The following USP4 variants were observed in gnomAD, a reference collection of about 807,000 sequenced individuals.
USP4 encodes ubiquitin specific peptidase 4, also known as ubiquitin carboxyl-terminal hydrolase 4.
USP4 carries 72 observed loss-of-function variants against 118.2 expected under a neutral mutation model. The observed-to-expected ratio is 0.61, with a 90% CI of 0.50 to 0.74. USP4 has a LOEUF of 0.74. Among genes scored for constraint, USP4 ranks in the 30% least tolerant of loss-of-function variants. The probability of loss-of-function intolerance (pLI) is 0.00; values close to 1 mark genes in which losing one functional copy is unlikely to be tolerated. For synonymous variants in USP4, 415 were observed against 440.4 expected, an observed-to-expected ratio of 0.94 and a Z score of 0.72; for missense variants, 1,037 against 1,185.7, an observed-to-expected ratio of 0.87 and a Z score of 1.84.
intron 8 of USP4, 55 bp from the exon 9 acceptor site, chr3:49,305,943 C>A (rs550422390): frequency 6.7e-7 from 1 of 1,485,670 alleles, no homozygotes; most frequent in South Asian, 1.4e-5. Flanking sequence ...ACCAGAGATA[C>A]AAGATAAATC....
rs1018616252 is a variant in USP4, at chr3:49,278,947, T to C, written c.2645-45A>G. 3 of 1,364,864 alleles carry C rather than the reference T, an allele frequency of 2.2e-6. No individual in the cohort carries two copies. The African/African-American group carries it at 4.3e-5, about 20-fold the overall frequency. 84.5% of individuals were successfully genotyped at this position (1,364,864 alleles called of 1,614,324 possible). On this transcript the variant is annotated intron_variant, in intron 20 of 21. Transcript: ENST00000265560. ...AATACTCTAGCGGTCTCCAGAGAAT[T>C]AATCTGGCTAGCTTATTAGGCTTGC... is the stretch of plus-strand genomic sequence containing the variant.
chr3:49,277,280 A>C lies in USP4; in HGVS notation c.*1013T>G. ...CCACGGATTAGGTTGAAGGTCAGAC[A>C]AAAAATCCCGGACCCATACGTCCGG... On this transcript the variant is annotated 3_prime_UTR_variant, in exon 22 of 22. Transcript: ENST00000265560. 5 of 1,271,222 alleles carry C rather than the reference A, an allele frequency of 3.9e-6. No individual in the cohort carries two copies. Among genetic ancestry groups the C allele is most frequent in the Non-Finnish European group, 5.1e-6 (5 of 973,392 alleles). 78.7% of individuals were successfully genotyped at this position (1,271,222 alleles called of 1,614,324 possible). A position where few individuals can be genotyped will look rare whatever the true frequency, so the allele number is the denominator to read the frequency against.
rs577634738 is a variant in USP4 at position 49,286,092 on chromosome 3, G to C, written c.2200+6C>G. 67 of 1,613,796 alleles carry C rather than the reference G, an allele frequency of 4.2e-5. No individual in the cohort carries two copies. In the South Asian group the frequency reaches 6.9e-4, roughly 17 times the overall value. Reference sequence around the variant, plus strand: ...CCCAGCTTGAAAGGTCAGAAAAAGTGCTTACAGTTGAGTTTAAGTAGTTTT... The same window carrying C: ...CCCAGCTTGAAAGGTCAGAAAAAGTCCTTACAGTTGAGTTTAAGTAGTTTT... On this transcript the variant is annotated splice_donor_region_variant and intron_variant, in intron 16 of 21. Transcript: ENST00000265560.
At chr3:49,281,603 A>G (rs1160621828) in intron 19 of USP4, among the ~76,000 whole-genome samples, 1 of 150,984 alleles carries the variant, frequency 6.6e-6, no homozygotes, top group African/African-American at 2.4e-5. Flanking sequence ...AATCCTAGCT[A>G]CTTGGGAGGC....
intron 11 of USP4, 100 bp from the exon 12 acceptor site, chr3:49,298,735 G>T: frequency 9.7e-7 from 1 of 1,033,412 alleles, no homozygotes; most frequent in Non-Finnish European, 1.5e-6. Context: ...AGCCCTTCTA[G>T]AAACAATGTA....
At chr3:49,310,861 C>A in intron 7 of USP4, 124 bp from the exon 8 acceptor site, 1 of 701,016 alleles carries the variant, frequency 1.4e-6, no homozygotes, top group Non-Finnish European at 2.5e-6. Flanking sequence ...ATGCAAATTC[C>A]CTCTACTCCC....
intron 15 of USP4, among the ~76,000 whole-genome samples, chr3:49,290,964 C>G (rs1279818724): frequency 2.0e-5 from 3 of 151,866 alleles, no homozygotes; most frequent in Non-Finnish European, 4.4e-5. Flanking sequence ...GGGTGATAAT[C>G]AAGACCCTAC....
Position 49,310,728 on chromosome 3 carries a change from G to C in USP4, c.846C>G (p.Gly282=). 6.2e-7 allele frequency: 1 copy of C among 1,613,786 alleles called. No homozygotes were observed. The highest frequency in any genetic ancestry group is 1.1e-5 in the South Asian group (1 of 91,080). Residue 282 remains glycine, a synonymous_variant, in exon 8 of 22, where the codon GGC becomes GGG. Coordinates refer to ENST00000265560, the MANE Select transcript of USP4 (RefSeq NM_003363.4). ...CCTGACAATTATACGAAGCAGAAAA[G>C]CCAGATCCACTGGAAAACACAACAC... ...HSSGVSRGGS[G]FSASYNCQEP...
At chr3:49,314,328 C>A (rs1453574137) in intron 6 of USP4, among the ~76,000 whole-genome samples, 2 of 152,190 alleles carry the variant, frequency 1.3e-5, no homozygotes, top group Non-Finnish European at 2.9e-5. Context: ...TCTCACCTTC[C>A]CATAAGGAAA....
At chr3:49,321,029 G>C (rs1166700131) in intron 6 of USP4, among the ~76,000 whole-genome samples, 2 of 152,138 alleles carry the variant, frequency 1.3e-5, no homozygotes, top group Non-Finnish European at 2.9e-5. Flanking sequence ...TATGATATCT[G>C]AGAAATGTCC....
chr3:49,338,112 G>A (rs2047691479), intron 1 of USP4, among the ~76,000 whole-genome samples: 1 of 149,630 alleles, frequency 6.7e-6, no homozygotes, highest in African/African-American at 2.5e-5. Context: ...CAATCTCTGT[G>A]GAGCAACAAA....
At chr3:49,295,068 T>C (rs2047188561) in intron 13 of USP4, among the ~76,000 whole-genome samples, 1 of 152,056 alleles carries the variant, frequency 6.6e-6, no homozygotes, top group South Asian at 2.1e-4. Context: ...GGCGGGCGGA[T>C]CACGAGGTCA....
At chr3:49,314,395 G>T (rs1332550360) in intron 6 of USP4, among the ~76,000 whole-genome samples, 1 of 152,160 alleles carries the variant, frequency 6.6e-6, no homozygotes, top group East Asian at 1.9e-4. Context: ...TCCTCATGCT[G>T]CAAAGGAGTC....
intron 6 of USP4, chr3:49,312,799 A>G (rs1455719195): frequency 1.3e-5 from 2 of 154,768 alleles, no homozygotes; most frequent in African/African-American, 4.8e-5. Context: ...GTCTCTTAAA[A>G]AAAAACAACA....
intron 8 of USP4, among the ~76,000 whole-genome samples, chr3:49,306,322 C>A (rs944958623): frequency 6.6e-6 from 1 of 151,264 alleles, no homozygotes; most frequent in Admixed American, 6.6e-5. Flanking sequence ...CCTGCCTCGG[C>A]CTCCTGAGTA....
At chr3:49,323,810 C>T (rs1190607671) in intron 6 of USP4, among the ~76,000 whole-genome samples, 6 of 152,130 alleles carry the variant, frequency 3.9e-5, no homozygotes, top group African/African-American at 9.7e-5. Flanking sequence ...TATACCATAA[C>T]GAAAATTAAT....
At chr3:49,320,334 C>T (rs1217284318) in intron 6 of USP4, among the ~76,000 whole-genome samples, 2 of 152,112 alleles carry the variant, frequency 1.3e-5, no homozygotes, top group Non-Finnish European at 2.9e-5. Context: ...CCCAGCTACT[C>T]GAGAGGCTGA....
Position 49,302,481 on chromosome 3 carries a change from A to G in USP4, c.1190T>C (p.Leu397Pro). 1 of 1,614,232 alleles carries G rather than the reference A, an allele frequency of 6.2e-7. No homozygotes were observed. Among genetic ancestry groups the G allele is most frequent in the Non-Finnish European group, 8.5e-7 (1 of 1,180,034 alleles). The change falls in exon 10 of 22, where the codon CTG becomes CCG. Residue 397 changes from leucine (L) to proline (P), a missense_variant. Around this residue, in one of 3 missense-constraint regions of USP4, gnomAD observed 487 missense variants for 534.1 expected, o/e 0.91. Transcript: ENST00000265560. ...CAATCCATCTAGAAGAAAGGCCAGC[A>G]GCTCCTGAGAATCTTGTTGCTGGTA... ...SGYQQQDSQE[L>P]LAFLLDGLHE...
Position 49,278,213 on chromosome 3 carries a change from T to C in USP4, c.*80A>G. On this transcript the variant is annotated 3_prime_UTR_variant, in exon 22 of 22. Coordinates refer to ENST00000265560, the MANE Select transcript of USP4 (RefSeq NM_003363.4). ...CTTGTCTGGTTTTTAGACAGAACAC[T>C]AGCAGTCTGCAGAGTGTCAAAGATG... 1.3e-6 allele frequency: 2 copies of C among 1,493,946 alleles called. No homozygotes were observed. The highest frequency in any genetic ancestry group is 1.8e-6 in the Non-Finnish European group (2 of 1,111,594). 92.5% of individuals were successfully genotyped at this position (1,493,946 alleles called of 1,614,324 possible).
Sources: allele counts gnomAD v4.1 joint callset (sites outside exome capture counted in the v4.1 genomes callset), GRCh38; gene constraint gnomAD v4.1.1; regional missense constraint gnomAD v4.1.1; transcripts MANE v1.5; gene names NCBI Gene and HGNC (gene_info 2026-07-23, HGNC 2026-07-21).